HMGXB4: variants seen among roughly 807,000 people sequenced by gnomAD.
HMGXB4 encodes HMG domain-containing protein 4.
Under a neutral mutation model 63.9 loss-of-function variants are expected in HMGXB4, and 27 were observed. The ratio of observed to expected loss-of-function variants is 0.42; its 90% CI spans 0.31 to 0.58. HMGXB4 has a LOEUF of 0.58. Ranked by LOEUF, HMGXB4 falls within the 20% of genes least tolerant of loss-of-function variation. The pLI is 0.13. For synonymous variants in HMGXB4, 264 were observed against 265.3 expected (o/e 0.99, Z 0.05); for missense variants, 624 against 700.7 (o/e 0.89, Z 1.24).
intron 5 of HMGXB4, among the ~76,000 whole-genome samples, chr22:35,273,066 A>G (rs1248103078): frequency 6.6e-6 from 1 of 152,240 alleles, no homozygotes; most frequent in Admixed American, 6.5e-5. Context: ...TGGCACACCC[A>G]GACATTGTTG....
At chr22:35,244,071 C>T in the HMGXB4 span, among the ~76,000 whole-genome samples, 1 of 151,884 alleles carries the variant, frequency 6.6e-6, no homozygotes, top group East Asian at 1.9e-4. Context: ...ATTTGTTCAC[C>T]TTCTTGAATA....
the HMGXB4 span, among the ~76,000 whole-genome samples, chr22:35,247,510 T>C: frequency 6.6e-6 from 1 of 152,216 alleles, no homozygotes; most frequent in Non-Finnish European, 1.5e-5. Context: ...CGCTCTCCTC[T>C]TCCATGCTCT....
intron 5 of HMGXB4, 28 bp downstream of exon 5, chr22:35,265,631 G>T (rs1348159720): frequency 1.3e-6 from 2 of 1,507,872 alleles, no homozygotes; most frequent in African/African-American, 1.4e-5. Context: ...TGTGGTGGGG[G>T]TAAGAGATTA....
rs1019550083 is a variant in HMGXB4 at position 35,291,312 on chromosome 22, G to T, written c.1639-1680G>T. Among the ~76,000 whole-genome samples, 7 of 152,210 alleles carry T rather than the reference G, an allele frequency of 4.6e-5. No individual in the cohort carries two copies. The East Asian group carries it at 1.4e-3, about 29-fold the overall frequency. On this transcript the variant is annotated intron_variant, in intron 9 of 10. Coordinates refer to ENST00000216106, the MANE Select transcript of HMGXB4 (RefSeq NM_001003681.3). ...TGTGCGTGTGTGTGGCGTGTGGTGT[G>T]TGTGTATCTTAAGAAAGTTAAAGCT...
intron 1 of HMGXB4, chr22:35,258,549 T>C (rs781161892): frequency 2.6e-5 from 4 of 152,276 alleles, no homozygotes; most frequent in Non-Finnish European, 5.9e-5. Context: ...CATCCCCGAC[T>C]GTCGGGATCT....
chr22:35,263,911 A>T, intron 4 of HMGXB4, 37 bp downstream of exon 4: 1 of 1,602,190 alleles, frequency 6.2e-7, no homozygotes, highest in South Asian at 1.1e-5. Flanking sequence ...GGATAAACAC[A>T]TCGCTGGTTC....
intron 8 of HMGXB4, 43 bp downstream of exon 8, chr22:35,287,495 A>G (rs751470787): frequency 7.1e-7 from 1 of 1,417,374 alleles, no homozygotes; most frequent in South Asian, 1.2e-5. Flanking sequence ...AAAGCATGTG[A>G]ATTTTGCTTC....
Position 35,265,200 on chromosome 22 carries a change from C to A in HMGXB4, c.812C>A (p.Ala271Asp). Residue 271 changes from alanine to aspartate, a missense_variant, in exon 5 of 11, where the codon GCC (alanine) becomes GAC (aspartate). Physicochemically the swap from Ala to Asp is moderately radical, Grantham distance 126. Around this residue, in one of 2 missense-constraint regions of HMGXB4, gnomAD observed 472 missense variants for 470.6 expected, o/e 1.00. Transcript: ENST00000216106. ...SPGPEGCGSD[A>D]SQFAESHSAN... is the part of the protein sequence containing the mutation. Reference sequence around the variant, plus strand: ...GGCCCTGAAGGCTGTGGGTCTGACGCCTCCCAGTTCGCAGAGTCCCACAGT... The same window carrying A: ...GGCCCTGAAGGCTGTGGGTCTGACGACTCCCAGTTCGCAGAGTCCCACAGT... 2 of 1,614,062 alleles carry A rather than the reference C, an allele frequency of 1.2e-6. No homozygotes were observed. The highest frequency in any genetic ancestry group is 1.7e-6 in the Non-Finnish European group (2 of 1,180,004).
At chr22:35,256,260 C>CACT (rs1193826901), upstream of HMGXB4, among the ~76,000 whole-genome samples, 2 of 152,168 alleles carry the variant, frequency 1.3e-5, no homozygotes, top group African/African-American at 4.8e-5. Flanking sequence ...ATGGAAAATA[C>CACT]ACTAGGACAG....
At chr22:35,273,981 G>C (rs1923754867) in intron 5 of HMGXB4, among the ~76,000 whole-genome samples, 1 of 152,222 alleles carries the variant, frequency 6.6e-6, no homozygotes, top group Non-Finnish European at 1.5e-5. Flanking sequence ...TTCATGCGCA[G>C]TTCTGAGACT....
chr22:35,258,323 A>G (rs2146391494), intron 1 of HMGXB4: 1 of 152,286 alleles, frequency 6.6e-6, no homozygotes, highest in Non-Finnish European at 1.5e-5. Flanking sequence ...AAAGCGGAGA[A>G]ACATCTCTGT....
intron 5 of HMGXB4, among the ~76,000 whole-genome samples, chr22:35,278,755 T>G (rs1799961070): frequency 6.6e-6 from 1 of 151,618 alleles, no homozygotes; most frequent in African/African-American, 2.4e-5. Flanking sequence ...CTCAATTGAT[T>G]ATCCCACCTC....
At chr22:35,293,508 C>T (rs1925051430) in intron 10 of HMGXB4, 99 bp from the exon 11 acceptor site, 1 of 817,454 alleles carries the variant, frequency 1.2e-6, no homozygotes, top group African/African-American at 1.7e-5. Flanking sequence ...TTTTCTAACT[C>T]CATTTGATTT....
intron 5 of HMGXB4, among the ~76,000 whole-genome samples, chr22:35,276,622 G>A (rs1923930000): frequency 2.6e-5 from 4 of 152,138 alleles, no homozygotes; most frequent in African/African-American, 9.7e-5. Flanking sequence ...TGCGTGTGGT[G>A]CCTCTCCATT....
chr22:35,258,102 T>C (rs994043648), intron 1 of HMGXB4: 6 of 152,254 alleles, frequency 3.9e-5, no homozygotes, highest in African/African-American at 1.4e-4. Flanking sequence ...GAGCTAGCTG[T>C]TGCCGCAAAA....
Position 35,286,077 on chromosome 22 carries a change from T to C in HMGXB4, c.1362+16T>C. 2 of 1,579,150 alleles carry C rather than the reference T, an allele frequency of 1.3e-6. No homozygotes were observed. Among genetic ancestry groups the C allele is most frequent in the Non-Finnish European group, 1.7e-6 (2 of 1,156,266 alleles). ...AGACAAACTGGTAAGTACATTTTCT[T>C]ACAAACATATTTTTCAGTGCTTCTC... On this transcript the variant is annotated intron_variant, in intron 7 of 10. Coordinates refer to ENST00000216106, the MANE Select transcript of HMGXB4 (RefSeq NM_001003681.3).
chr22:35,252,176 G>C, the HMGXB4 span, among the ~76,000 whole-genome samples: 90,229 of 152,042 alleles, frequency 0.59, 29,111 homozygotes, highest in Non-Finnish European at 0.73. Flanking sequence ...GATCGTGTCA[G>C]TGCACTCCAG....
chr22:35,289,187 G>A (rs373913850), intron 9 of HMGXB4, among the ~76,000 whole-genome samples: 31 of 152,066 alleles, frequency 2.0e-4, no homozygotes, highest in African/African-American at 7.0e-4. Flanking sequence ...GGCTGGGCAC[G>A]GTGGCCCATG....
At position 35,264,734 on chromosome 22, in the gene HMGXB4, A is replaced by C; in HGVS notation, c.346A>C (p.Ile116Leu). The C allele has an allele frequency of 6.2e-7, 1 of 1,614,138 alleles. No individual in the cohort carries two copies. Among genetic ancestry groups the C allele is most frequent in the Non-Finnish European group, 8.5e-7 (1 of 1,179,948 alleles). The part of the protein sequence containing the change: ...TDTAMDLLKA[I>L]TSPLAAGSKP... Reference sequence around the variant, plus strand: ...TACAGCTATGGACCTGTTGAAAGCTATCACTTCCCCACTGGCAGCAGGCTC... The same window carrying C: ...TACAGCTATGGACCTGTTGAAAGCTCTCACTTCCCCACTGGCAGCAGGCTC... The change falls in exon 5 of 11, where the codon ATC (isoleucine) becomes CTC (leucine). Residue 116 changes from isoleucine (I) to leucine (L), a missense_variant. This residue lies in a region of HMGXB4 where 472 missense variants were observed against 470.6 expected (regional missense o/e 1.00). Transcript: ENST00000216106.
Sources: allele counts gnomAD v4.1 joint callset (sites outside exome capture counted in the v4.1 genomes callset), GRCh38; gene constraint gnomAD v4.1.1; regional missense constraint gnomAD v4.1.1; transcripts MANE v1.5; gene names NCBI Gene and HGNC (gene_info 2026-07-23, HGNC 2026-07-21).